Variants in DCLK1 observed in about 807,000 individuals in gnomAD.
The protein encoded by DCLK1 is serine/threonine-protein kinase DCLK1.
Under a neutral mutation model 86.2 loss-of-function variants are expected in DCLK1, and 16 were observed. That is an observed-to-expected ratio of 0.19 (90% CI 0.13 to 0.28). DCLK1 has a LOEUF of 0.28. Among genes scored for constraint, DCLK1 ranks in the 10% least tolerant of loss-of-function variants. The pLI, the probability that DCLK1 is intolerant of heterozygous loss-of-function variation, is 1.00. For missense variants in DCLK1, 590 were observed against 940.2 expected (o/e 0.63, Z 4.87); for synonymous variants, 369 against 370.5 (o/e 1.00, Z 0.05).
intron 3 of DCLK1, among the ~76,000 whole-genome samples, chr13:36,048,418 G>A (rs920918873): frequency 6.6e-6 from 1 of 152,048 alleles, no homozygotes; most frequent in Non-Finnish European, 1.5e-5. Flanking sequence ...AAGTAATACT[G>A]TTTATATTTT....
chr13:36,004,481 A>G (rs1360215800), intron 3 of DCLK1, among the ~76,000 whole-genome samples: 1 of 152,210 alleles, frequency 6.6e-6, no homozygotes, highest in Non-Finnish European at 1.5e-5. Flanking sequence ...AAAGAAATAG[A>G]ATATAAAGTG....
chr13:36,078,955 G>T (rs948662456), intron 3 of DCLK1, among the ~76,000 whole-genome samples: 2 of 152,142 alleles, frequency 1.3e-5, no homozygotes, highest in Admixed American at 1.3e-4. Flanking sequence ...AACCGAGGGG[G>T]ATGGTGGACA....
intron 3 of DCLK1, among the ~76,000 whole-genome samples, chr13:36,071,338 G>A (rs1383573052): frequency 6.6e-6 from 1 of 151,990 alleles, no homozygotes; most frequent in Non-Finnish European, 1.5e-5. Flanking sequence ...ATTAACATTT[G>A]TGTGGCACTT....
At chr13:35,897,191 G>A (rs534094074) in intron 4 of DCLK1, among the ~76,000 whole-genome samples, 103 of 152,316 alleles carry the variant, frequency 6.8e-4, no homozygotes, top group African/African-American at 2.4e-3. Context: ...AGGGTGGTAA[G>A]GAGGCTCCTT....
chr13:35,877,974 G>A (rs148802307), intron 4 of DCLK1, among the ~76,000 whole-genome samples: 181 of 152,098 alleles, frequency 1.2e-3, no homozygotes, highest in Non-Finnish European at 2.2e-3. Flanking sequence ...CTTGGGAGGC[G>A]CCCTCCTAGA....
intron 7 of DCLK1, among the ~76,000 whole-genome samples, chr13:35,836,877 C>G (rs1192810882): frequency 6.6e-6 from 1 of 152,090 alleles, no homozygotes; most frequent in East Asian, 1.9e-4. Flanking sequence ...ATATCTAAGG[C>G]CATAAAACTA....
intron 3 of DCLK1, among the ~76,000 whole-genome samples, chr13:36,069,402 G>A (rs1477812843): frequency 2.0e-5 from 3 of 152,082 alleles, no homozygotes; most frequent in Admixed American, 2.0e-4. Flanking sequence ...ACTATTCATG[G>A]TTCTTCCTTC....
Position 36,076,959 on chromosome 13 carries a change from T to C in DCLK1, c.723+34910A>G, listed in dbSNP as rs926558932. On this transcript the variant is annotated intron_variant, in intron 3 of 16. Transcript: ENST00000360631. Reference sequence around the variant, plus strand: ...AACCTTTCTGACCTTACCTTCCTTGTCTATATAATAGATATGATAATGCCC... The same window carrying C: ...AACCTTTCTGACCTTACCTTCCTTGCCTATATAATAGATATGATAATGCCC... 3.9e-4 allele frequency among the ~76,000 whole-genome samples: 59 copies of C among 152,178 alleles called. 1 individual carries two copies. The highest frequency in any genetic ancestry group is 3.0e-3 in the Admixed American group (46 of 15,276).
chr13:36,092,721 C>G (rs1250564837), intron 3 of DCLK1, among the ~76,000 whole-genome samples: 10 of 151,666 alleles, frequency 6.6e-5, no homozygotes, highest in African/African-American at 2.4e-4. Context: ...CTCCTGACCT[C>G]GTGATCCGCC....
At chr13:36,036,501 A>G (rs9531383) in intron 3 of DCLK1, among the ~76,000 whole-genome samples, 7,165 of 152,232 alleles carry the variant, frequency 0.047, 175 homozygotes, top group Middle Eastern at 0.092. Flanking sequence ...AGTCGAATAA[A>G]TACCTTGATG....
At chr13:35,909,037 G>A (rs564610040) in intron 4 of DCLK1, among the ~76,000 whole-genome samples, 11 of 152,290 alleles carry the variant, frequency 7.2e-5, no homozygotes, top group East Asian at 3.9e-4. Context: ...GTTTCCAGAC[G>A]CTTTCATATC....
At chr13:35,950,456 A>T (rs1050007640) in intron 3 of DCLK1, among the ~76,000 whole-genome samples, 1 of 152,250 alleles carries the variant, frequency 6.6e-6, no homozygotes, top group Non-Finnish European at 1.5e-5. Context: ...AAGGTGGAGG[A>T]ATTGAAAACC....
At chr13:36,089,454 T>C (rs1007303714) in intron 3 of DCLK1, among the ~76,000 whole-genome samples, 1 of 152,190 alleles carries the variant, frequency 6.6e-6, no homozygotes, top group African/African-American at 2.4e-5. Context: ...CCCATGTTTC[T>C]TTCCTGTGCA....
chr13:35,786,735 T>C (rs976822787), intron 16 of DCLK1, among the ~76,000 whole-genome samples: 3 of 152,214 alleles, frequency 2.0e-5, no homozygotes, highest in Admixed American at 6.6e-5. Context: ...AAAGGCAGAT[T>C]ATGATTAACT....
chr13:36,017,996 C>G (rs901368070), intron 3 of DCLK1, among the ~76,000 whole-genome samples: 29 of 152,186 alleles, frequency 1.9e-4, no homozygotes, highest in African/African-American at 6.8e-4. Flanking sequence ...ACTCTATTTG[C>G]ACTGCTAATA....
chr13:36,126,214 T>C, intron 1 of DCLK1, 58 bp from the exon 2 acceptor site: 1 of 682,818 alleles, frequency 1.5e-6, no homozygotes, highest in Middle Eastern at 4.8e-4. Context: ...TATATATATA[T>C]ATATTTTTTT....
chr13:35,812,878 G>A (rs779128390), intron 11 of DCLK1, among the ~76,000 whole-genome samples: 2 of 152,128 alleles, frequency 1.3e-5, no homozygotes, highest in Non-Finnish European at 1.5e-5. Flanking sequence ...CATCTGGGAC[G>A]GACATTTTCT....
At chr13:35,855,466 A>G in intron 5 of DCLK1, 1 of 1,568,866 alleles carries the variant, frequency 6.4e-7, no homozygotes, top group East Asian at 2.3e-5. Context: ...AGGGTGCAAA[A>G]TAAATGCTTT....
chr13:36,106,222 AATCTTCCCAATTTGGAGGCACT>A (rs1324595244), intron 3 of DCLK1, among the ~76,000 whole-genome samples: 2 of 152,182 alleles, frequency 1.3e-5, no homozygotes, highest in Non-Finnish European at 1.5e-5. Context: ...AAAGGACTTA[AATCTTCCCAATTTGGAGGCACT>A]AACATCTACA....
Sources: allele counts gnomAD v4.1 joint callset (sites outside exome capture counted in the v4.1 genomes callset), GRCh38; gene constraint gnomAD v4.1.1; transcripts MANE v1.5; gene names NCBI Gene and HGNC (gene_info 2026-07-23, HGNC 2026-07-21).